FRRS1: variants seen among roughly 807,000 people sequenced by gnomAD.
FRRS1 encodes ferric chelate reductase 1, also known as ferric reductase 1.
In FRRS1, 51 loss-of-function variants were observed where a neutral mutation model predicts 70.7. That is an observed-to-expected ratio of 0.72 (90% CI 0.58 to 0.91). FRRS1 has a LOEUF of 0.91. Among genes scored for constraint, FRRS1 ranks in the 40% least tolerant of loss-of-function variants. The pLI, the probability that FRRS1 is intolerant of heterozygous loss-of-function variation, is 0.00. For synonymous variants in FRRS1, 225 were observed against 238.7 expected, an observed-to-expected ratio of 0.94 and a Z score of 0.53; for missense variants, 672 against 726.0, an observed-to-expected ratio of 0.93 and a Z score of 0.86.
rs1244977536 is a variant in FRRS1 at position 99,705,826 on chromosome 1, C to T, written c.*3202G>A. ...ATTTCTTTCATTTCTTTCTGAAAAGCACACACATCTTTATTTCATATTGCA... is the reference window on the plus strand; with the variant it reads ...ATTTCTTTCATTTCTTTCTGAAAAGTACACACATCTTTATTTCATATTGCA... On this transcript the variant is annotated 3_prime_UTR_variant, in exon 17 of 17. Coordinates refer to ENST00000646001, the MANE Select transcript of FRRS1 (RefSeq NM_001361041.2). Among the ~76,000 whole-genome samples the T allele has an allele frequency of 6.6e-6, 1 of 152,180 alleles. No individual in the cohort carries two copies. The highest frequency in any genetic ancestry group is 1.5e-5 in the Non-Finnish European group (1 of 68,034).
chr1:99,741,195 T>C (rs1004206088), intron 5 of FRRS1, among the ~76,000 whole-genome samples: 2 of 152,230 alleles, frequency 1.3e-5, no homozygotes, highest in African/African-American at 4.8e-5. Flanking sequence ...ACAATAGCCA[T>C]GATGTCAGAC....
chr1:99,749,974 CATAT>C (rs968563507), intron 1 of FRRS1, among the ~76,000 whole-genome samples: 3 of 152,140 alleles, frequency 2.0e-5, no homozygotes, highest in Admixed American at 2.0e-4. Context: ...TTTTCTATAT[CATAT>C]ATCTGGTCAT....
At chr1:99,740,758 C>T (rs749539641) in intron 6 of FRRS1, 35 bp downstream of exon 6, 1 of 1,471,454 alleles carries the variant, frequency 6.8e-7, no homozygotes, top group Non-Finnish European at 9.5e-7. Flanking sequence ...ATGGTGAAAC[C>T]CCATCTCTAC....
In FRRS1 at chr1:99,710,787, G is replaced by T; in HGVS notation, c.1624+19C>A. 1 of 1,609,276 alleles carries T rather than the reference G, an allele frequency of 6.2e-7. No homozygotes were observed. The highest frequency in any genetic ancestry group is 1.1e-5 in the South Asian group (1 of 89,988). ...GTATAGAAGTGCTTCTACATAACAT[G>T]GCTTTTTTACCAGGTTACCTTTGCG... On this transcript the variant is annotated intron_variant, in intron 15 of 16. Transcript: ENST00000646001.
intron 4 of FRRS1, among the ~76,000 whole-genome samples, chr1:99,742,719 C>T (rs11166317): frequency 0.49 from 75,251 of 152,168 alleles, 22,625 homozygotes; most frequent in African/African-American, 0.85. Flanking sequence ...ATGCACCTGG[C>T]CAACTCCTAC....
intron 9 of FRRS1, among the ~76,000 whole-genome samples, chr1:99,722,702 A>G (rs1468282785): frequency 6.6e-6 from 1 of 152,230 alleles, no homozygotes; most frequent in Non-Finnish European, 1.5e-5. Flanking sequence ...CCTCAACACC[A>G]TAAAGGATAT....
rs749160259 is a variant in FRRS1, at chr1:99,748,879, A to G, written c.-1+18T>C. 1 of 732,282 alleles carries G rather than the reference A, an allele frequency of 1.4e-6. No homozygotes were observed. Among genetic ancestry groups the G allele is most frequent in the Non-Finnish European group, 2.2e-6 (1 of 450,546 alleles). The allele number at this position is 732,282 out of a possible 1,614,324, so 45.4% of individuals were successfully genotyped here. A position where few individuals can be genotyped will look rare whatever the true frequency, so the allele number is the denominator to read the frequency against. ...ACTACTTGCTTTCTGTGTTCAGCAA[A>G]CCATATTCTCAACATACCTGATAAA... On this transcript the variant is annotated intron_variant, in intron 2 of 16. Coordinates refer to ENST00000646001, the MANE Select transcript of FRRS1 (RefSeq NM_001361041.2).
intron 1 of FRRS1, among the ~76,000 whole-genome samples, chr1:99,751,656 A>C (rs1656574519): frequency 6.6e-6 from 1 of 152,158 alleles, no homozygotes; most frequent in Non-Finnish European, 1.5e-5. Context: ...CCAAAAGATT[A>C]TCTCTCAAAA....
chr1:99,709,449 C>T (rs1379782505), intron 15 of FRRS1, among the ~76,000 whole-genome samples, 190 bp from the exon 16 acceptor site: 2 of 152,176 alleles, frequency 1.3e-5, no homozygotes, highest in African/African-American at 4.8e-5. Context: ...GGCAAGAGCA[C>T]ACATTTGTTA....
intron 1 of FRRS1, among the ~76,000 whole-genome samples, chr1:99,762,294 T>C (rs917552119): frequency 6.6e-6 from 1 of 152,204 alleles, no homozygotes; most frequent in Non-Finnish European, 1.5e-5. Context: ...ATAAAGTTTA[T>C]CATGTTTTTC....
At position 99,712,118 on chromosome 1, in the gene FRRS1, A is replaced by G; in HGVS notation, c.1467T>C (p.Ala489=). The change falls in exon 14 of 17, where the codon GCT becomes GCC. Residue 489 remains alanine (A), a synonymous_variant. Coordinates refer to ENST00000646001, the MANE Select transcript of FRRS1 (RefSeq NM_001361041.2). Reference sequence around the variant, plus strand: ...ACAATCTCTTACCTGCTATTATTCTAGCAGCTGTTCCCATACTCCAATGAG... The same window carrying G: ...ACAATCTCTTACCTGCTATTATTCTGGCAGCTGTTCCCATACTCCAATGAG... The part of the protein sequence containing the change: ...NWTHWSMGTA[A]RIIAVAAMFL... 1 of 1,607,976 alleles carries G rather than the reference A, an allele frequency of 6.2e-7. No homozygotes were observed. Among genetic ancestry groups the G allele is most frequent in the Non-Finnish European group, 8.5e-7 (1 of 1,175,312 alleles).
rs534579852 is a variant in FRRS1, at chr1:99,712,347, G to A, written c.1421+71C>T. 2.2e-5 allele frequency: 26 copies of A among 1,185,764 alleles called. No individual in the cohort carries two copies. The East Asian group carries it at 6.2e-4, about 28-fold the overall frequency. 73.5% of individuals were successfully genotyped at this position (1,185,764 alleles called of 1,614,324 possible). On this transcript the variant is annotated intron_variant, in intron 13 of 16. Transcript: ENST00000646001. Reference sequence around the variant, plus strand: ...TATAAAATGCAAAATTTTTCCATTTGAAAACAGATTAGTTTGCCAACTAAT... The same window carrying A: ...TATAAAATGCAAAATTTTTCCATTTAAAAACAGATTAGTTTGCCAACTAAT...
rs1553169357 is a variant in FRRS1 at position 99,708,625 on chromosome 1, A to AAAATATATAT, written c.*402_*403insATATATATTT. ...AAAAAAAAAAAAAAAAAAAAAAAAAAATATATATATATATATATATATATA... is the reference window on the plus strand; with the variant it reads ...AAAAAAAAAAAAAAAAAAAAAAAAAAAAATATATATATATATATATATATATATATATATA... On this transcript the variant is annotated 3_prime_UTR_variant, in exon 17 of 17. Transcript: ENST00000646001. 1 of 52,732 alleles carries AAAATATATAT rather than the reference A, an allele frequency of 1.9e-5. No homozygotes were observed. The highest frequency in any genetic ancestry group is 3.1e-5 in the Non-Finnish European group (1 of 32,522). The allele number at this position is 52,732 out of a possible 1,614,324, so 3.3% of individuals were successfully genotyped here.
At chr1:99,732,707 T>C (rs114652528) in intron 7 of FRRS1, among the ~76,000 whole-genome samples, 4,602 of 152,202 alleles carry the variant, frequency 0.03, 229 homozygotes, top group African/African-American at 0.11. Flanking sequence ...AAGAGAGCTC[T>C]AAGGCTGAAA....
At chr1:99,732,168 G>A (rs1350574328) in intron 7 of FRRS1, among the ~76,000 whole-genome samples, 1 of 152,196 alleles carries the variant, frequency 6.6e-6, no homozygotes, top group African/African-American at 2.4e-5. Context: ...GTAACTCTCA[G>A]TTCTCACTAT....
chr1:99,731,064 T>C (rs1405752160), intron 7 of FRRS1, among the ~76,000 whole-genome samples: 1 of 151,100 alleles, frequency 6.6e-6, no homozygotes, highest in Non-Finnish European at 1.5e-5. Flanking sequence ...CAGAATAAAA[T>C]AAAGTGATAA....
Position 99,706,450 on chromosome 1 carries a change from G to C in FRRS1, c.*2578C>G, listed in dbSNP as rs2100889909. Reference sequence around the variant, plus strand: ...GATTAAATGCAAAGGCTTATTCGGGGAACTCTGTATGTAAGTTGGCAAAGA... The same window carrying C: ...GATTAAATGCAAAGGCTTATTCGGGCAACTCTGTATGTAAGTTGGCAAAGA... On this transcript the variant is annotated 3_prime_UTR_variant, in exon 17 of 17. Transcript: ENST00000646001. Among the ~76,000 whole-genome samples the C allele has an allele frequency of 6.6e-6, 1 of 151,678 alleles. No homozygotes were observed. Among genetic ancestry groups the C allele is most frequent in the Non-Finnish European group, 1.5e-5 (1 of 67,924 alleles).
At position 99,719,549 on chromosome 1, in the gene FRRS1, G is replaced by A; in HGVS notation, c.1105C>T (p.Leu369Phe). ...TGTAACCTACCATGAACCTTCAGAAGGAGTACAGAATGGGATCCTCCTATG... is the reference window on the plus strand; with the variant it reads ...TGTAACCTACCATGAACCTTCAGAAAGAGTACAGAATGGGATCCTCCTATG... ...KNIGGSHSVL[L>F]LKVHGALMFV... The change falls in exon 10 of 17, where the codon CTT (leucine) becomes TTT (phenylalanine). Residue 369 changes from leucine (L) to phenylalanine (F), a missense_variant. Leu to Phe is a conservative substitution (Grantham distance 22). Coordinates refer to ENST00000646001, the MANE Select transcript of FRRS1 (RefSeq NM_001361041.2). 1 of 1,569,644 alleles carries A rather than the reference G, an allele frequency of 6.4e-7. No homozygotes were observed. Among genetic ancestry groups the A allele is most frequent in the Non-Finnish European group, 8.8e-7 (1 of 1,139,740 alleles).
At chr1:99,712,064 C>A in intron 14 of FRRS1, 41 bp downstream of exon 14, 1 of 1,345,210 alleles carries the variant, frequency 7.4e-7, no homozygotes, top group Non-Finnish European at 1.1e-6. Context: ...ATATAAGCAG[C>A]TAGCAATTAT....
Sources: gnomAD v4.1 joint callset for allele counts (sites outside exome capture counted in the v4.1 genomes callset) on GRCh38, gnomAD v4.1.1 for gene constraint, MANE v1.5 for transcripts, NCBI Gene and HGNC (gene_info 2026-07-23, HGNC 2026-07-21) for gene names.